TICRR: variants seen among roughly 807,000 people sequenced by gnomAD.
The protein encoded by TICRR is TOPBP1 interacting checkpoint and replication regulator.
TICRR carries 132 observed loss-of-function variants against 178.1 expected under a neutral mutation model. The observed-to-expected ratio is 0.74, with a 90% CI of 0.64 to 0.86. The LOEUF (loss-of-function observed/expected upper bound fraction) is 0.86. Among genes scored for constraint, TICRR ranks in the 40% least tolerant of loss-of-function variants. The pLI is 0.00. For missense variants in TICRR, 2,587 were observed against 2,334.3 expected (o/e 1.11, Z -2.23); for synonymous variants, 991 against 900.7 (o/e 1.10, Z -1.79).
chr15:89,580,515 G>A (rs777442802), intron 1 of TICRR, among the ~76,000 whole-genome samples: 2 of 152,194 alleles, frequency 1.3e-5, no homozygotes, highest in Non-Finnish European at 2.9e-5. Flanking sequence ...AGATACATGG[G>A]TGGTAACATC....
rs1203646624 is a variant in TICRR, at chr15:89,581,651, G to A, written c.655-1035G>A. On this transcript the variant is annotated intron_variant, in intron 1 of 21. Coordinates refer to ENST00000268138, the MANE Select transcript of TICRR (RefSeq NM_152259.4). ...AATATGCCTAGAAGGAGTGGGGGTG[G>A]ATGAGGGGTAGAAGATAATGTGTTC... is the stretch of plus-strand genomic sequence containing the variant. Among the ~76,000 whole-genome samples the A allele has an allele frequency of 3.3e-5, 5 of 152,336 alleles. No homozygotes were observed. In the East Asian group the frequency reaches 7.7e-4, roughly 23 times the overall value.
chr15:89,618,129 C>T (rs746919066), intron 16 of TICRR, 23 bp from the exon 17 acceptor site: 1 of 1,610,910 alleles, frequency 6.2e-7, no homozygotes, highest in Non-Finnish European at 8.5e-7. Context: ...ATGGAGTAAT[C>T]CTTGTGCATG....
At chr15:89,588,990 G>T (rs530371647) in intron 4 of TICRR, among the ~76,000 whole-genome samples, 4 of 152,250 alleles carry the variant, frequency 2.6e-5, no homozygotes, top group African/African-American at 9.6e-5. Flanking sequence ...AGAGCATGGC[G>T]GGGGAACAGC....
chr15:89,621,304 A>C lies in TICRR; in HGVS notation c.3155-89A>C, dbSNP rs571965877. The C allele has an allele frequency of 4.5e-4, 618 of 1,371,074 alleles. 1 individual carries two copies. The African/African-American group carries it at 7.6e-3, about 17-fold the overall frequency. 84.9% of individuals were successfully genotyped at this position (1,371,074 alleles called of 1,614,324 possible). ...CCAAAGTGCTGGGATTACAGGCGTG[A>C]GCCACCATGCGTGGCTGGCTGTTTT... On this transcript the variant is annotated intron_variant, in intron 18 of 21. Transcript: ENST00000268138.
rs1331025664 is a variant in TICRR, at chr15:89,600,546, G to A, written c.2053-39G>A. On this transcript the variant is annotated intron_variant, in intron 8 of 21. Coordinates refer to ENST00000268138, the MANE Select transcript of TICRR (RefSeq NM_152259.4). The stretch of plus-strand genomic sequence containing the variant: ...TGAAAGAAATTAGAAATAATGACAA[G>A]TAACACTATTCTCCTATGTAATAAT... 3 of 926,962 alleles carry A rather than the reference G, an allele frequency of 3.2e-6. No homozygotes were observed. In the African/African-American group the frequency reaches 5.1e-5, roughly 16 times the overall value. The allele number at this position is 926,962 out of a possible 1,614,324, so 57.4% of individuals were successfully genotyped here. A position where few individuals can be genotyped will look rare whatever the true frequency, so the allele number is the denominator to read the frequency against.
At chr15:89,604,752 CAG>C (rs1440269044) in intron 13 of TICRR, among the ~76,000 whole-genome samples, 2 of 118,108 alleles carry the variant, frequency 1.7e-5, no homozygotes, top group Non-Finnish European at 3.3e-5. Flanking sequence ...GCCTGGGTTA[CAG>C]AGAGAGACTC....
intron 16 of TICRR, among the ~76,000 whole-genome samples, chr15:89,617,533 CTT>C (rs1963354384): frequency 6.6e-6 from 1 of 152,052 alleles, no homozygotes; most frequent in Non-Finnish European, 1.5e-5. Flanking sequence ...CCATCTCACT[CTT>C]TTTCTGAGTA....
At chr15:89,598,906 C>T (rs1224774539) in intron 7 of TICRR, among the ~76,000 whole-genome samples, 2 of 152,020 alleles carry the variant, frequency 1.3e-5, no homozygotes, top group Non-Finnish European at 2.9e-5. Flanking sequence ...ACTCCAGAGG[C>T]TGAGGTGGGA....
intron 16 of TICRR, 28 bp from the exon 17 acceptor site, chr15:89,618,124 G>A (rs2289486): frequency 0.9 from 1,454,781 of 1,611,494 alleles, 659,283 homozygotes; most frequent in African/African-American, 0.96. Context: ...GTGGTATGGA[G>A]TAATCCTTGT....
Position 89,575,572 on chromosome 15 carries a change from G to C in TICRR, c.-15G>C. 1 of 1,452,578 alleles carries C rather than the reference G, an allele frequency of 6.9e-7. No individual in the cohort carries two copies. The highest frequency in any genetic ancestry group is 9.0e-7 in the Non-Finnish European group (1 of 1,110,346). 90.0% of individuals were successfully genotyped at this position (1,452,578 alleles called of 1,614,324 possible). A position where few individuals can be genotyped will look rare whatever the true frequency, so the allele number is the denominator to read the frequency against. Reference sequence around the variant, plus strand: ...CGGGCCCGGACCGGGGCCCCGGGGCGGCGGCACGGCCGATATGGCATGCTG... The same window carrying C: ...CGGGCCCGGACCGGGGCCCCGGGGCCGCGGCACGGCCGATATGGCATGCTG... On this transcript the variant is annotated 5_prime_UTR_variant, in exon 1 of 22. Coordinates refer to ENST00000268138, the MANE Select transcript of TICRR (RefSeq NM_152259.4).
intron 1 of TICRR, among the ~76,000 whole-genome samples, chr15:89,577,285 T>A (rs1962640759): frequency 6.6e-6 from 1 of 152,208 alleles, no homozygotes; most frequent in African/African-American, 2.4e-5. Flanking sequence ...CTTAAAGTCT[T>A]AAATGGCTAA....
chr15:89,622,441 T>G (rs1422418904), intron 19 of TICRR, among the ~76,000 whole-genome samples: 1 of 152,182 alleles, frequency 6.6e-6, no homozygotes, highest in Non-Finnish European at 1.5e-5. Context: ...TCCTCTCAGT[T>G]TGCTTAAAAT....
chr15:89,575,649 C>T lies in TICRR; in HGVS notation c.63C>T (p.Ser21=), dbSNP rs1197636037. 2 of 1,568,446 alleles carry T rather than the reference C, an allele frequency of 1.3e-6. No homozygotes were observed. The highest frequency in any genetic ancestry group is 1.9e-5 in the Admixed American group (1 of 53,806). Reference sequence around the variant, plus strand: ...CCGCGGGCGGCGCCGCCCGCCACAGCCGGGTCCGGCGGGCCGCCCTGCGCC... The same window carrying T: ...CCGCGGGCGGCGCCGCCCGCCACAGTCGGGTCCGGCGGGCCGCCCTGCGCC... The part of the protein sequence containing the change: ...LDTAGGAARH[S]RVRRAALRLL... The change falls in exon 1 of 22, where the codon AGC becomes AGT. Residue 21 remains serine, a synonymous_variant. Coordinates refer to ENST00000268138, the MANE Select transcript of TICRR (RefSeq NM_152259.4).
chr15:89,619,692 G>A lies in TICRR; in HGVS notation c.3020-16G>A. ...GTAGTTGTCTTTGGTTACTTACTGT[G>A]GTTCTGATTTTACAGAAATAAGTCT... On this transcript the variant is annotated splice_polypyrimidine_tract_variant and intron_variant, in intron 17 of 21. Coordinates refer to ENST00000268138, the MANE Select transcript of TICRR (RefSeq NM_152259.4). 6.3e-7 allele frequency: 1 copy of A among 1,598,182 alleles called. No individual in the cohort carries two copies. Among genetic ancestry groups the A allele is most frequent in the Non-Finnish European group, 8.5e-7 (1 of 1,174,306 alleles).
intron 4 of TICRR, among the ~76,000 whole-genome samples, chr15:89,589,516 T>A (rs562570467): frequency 6.6e-6 from 1 of 152,196 alleles, no homozygotes; most frequent in East Asian, 1.9e-4. Context: ...TGAGGGGCAC[T>A]CTCTTTCCAT....
At chr15:89,602,033 T>C (rs929051784) in intron 12 of TICRR, 57 bp downstream of exon 12, 1 of 1,595,710 alleles carries the variant, frequency 6.3e-7, no homozygotes, top group Non-Finnish European at 8.5e-7. Context: ...TGATAAAAGA[T>C]GTGTTTAAAC....
intron 1 of TICRR, among the ~76,000 whole-genome samples, chr15:89,576,852 TATATATATACAC>T (rs1962629556): frequency 2.9e-5 from 2 of 68,992 alleles, no homozygotes; most frequent in Admixed American, 1.4e-4. Flanking sequence ...TATATATATA[TATATATATACAC>T]ACACACACAT....
In TICRR at chr15:89,576,203, T is replaced by C; in HGVS notation, c.617T>C (p.Ile206Thr). The C allele has an allele frequency of 2.5e-6, 4 of 1,595,938 alleles. No individual in the cohort carries two copies. The highest frequency in any genetic ancestry group is 3.4e-6 in the Non-Finnish European group (4 of 1,177,492). Residue 206 changes from isoleucine to threonine, a missense_variant, in exon 1 of 22, where the codon ATC (isoleucine) becomes ACC (threonine). Physicochemically the swap from Ile to Thr is moderately conservative, Grantham distance 89 (BLOSUM62 -1). Transcript: ENST00000268138. ...CGGGAAGTCATGGTCGCCCGAAAAA[T>C]CACCTTCTACTGGGTGGATACCACC... is the stretch of plus-strand genomic sequence containing the variant. Reference protein sequence around the residue: ...RVREVMVARKITFYWVDTTEW... With the variant: ...RVREVMVARKTTFYWVDTTEW...
At chr15:89,576,872 C>CAT (rs1387286893) in intron 1 of TICRR, among the ~76,000 whole-genome samples, 23 of 140,136 alleles carry the variant, frequency 1.6e-4, no homozygotes, top group Non-Finnish European at 2.3e-4. Flanking sequence ...CACACACACA[C>CAT]ATATATATAC....
Sources: allele counts gnomAD v4.1 joint callset (sites outside exome capture counted in the v4.1 genomes callset), GRCh38; gene constraint gnomAD v4.1.1; transcripts MANE v1.5; gene names NCBI Gene and HGNC (gene_info 2026-07-23, HGNC 2026-07-21).